Variants in C10orf90 observed in about 807,000 individuals in gnomAD.
C10orf90 encodes the protein (E2-independent) E3 ubiquitin-conjugating enzyme FATS.
C10orf90 carries 56 observed loss-of-function variants against 62.5 expected under a neutral mutation model. That is an observed-to-expected ratio of 0.90 (90% confidence interval 0.72 to 1.12). The LOEUF (loss-of-function observed/expected upper bound fraction) is 1.12. C10orf90 is among the 50% of genes most tolerant of loss of function. C10orf90 has a pLI of 0.00. For synonymous variants in C10orf90, 386 were observed against 340.4 expected (o/e 1.13, Z -1.47); for missense variants, 970 against 880.4 (o/e 1.10, Z -1.29).
intron 2 of C10orf90, among the ~76,000 whole-genome samples, chr10:126,515,831 G>A (rs1407425977): frequency 6.6e-6 from 1 of 152,218 alleles, no homozygotes; most frequent in Non-Finnish European, 1.5e-5. Context: ...GTCCTTGGGT[G>A]ACAGTGAGCG....
At chr10:126,568,169 G>C (rs769166290) in intron 2 of C10orf90, among the ~76,000 whole-genome samples, 1 of 152,130 alleles carries the variant, frequency 6.6e-6, no homozygotes, top group Non-Finnish European at 1.5e-5. Flanking sequence ...CCTCAGAATA[G>C]CACATGTTTA....
chr10:126,557,652 A>G (rs1266846793), intron 2 of C10orf90, among the ~76,000 whole-genome samples: 1 of 152,064 alleles, frequency 6.6e-6, no homozygotes, highest in Admixed American at 6.6e-5. Flanking sequence ...CAAAACGTTT[A>G]CAAATAATAC....
At chr10:126,450,148 A>G (rs1277253973) in intron 7 of C10orf90, among the ~76,000 whole-genome samples, 1 of 152,188 alleles carries the variant, frequency 6.6e-6, no homozygotes, top group Admixed American at 6.5e-5. Flanking sequence ...TGTACACTAA[A>G]AGCTATAGAA....
At chr10:126,568,558 C>T (rs1844440023) in intron 2 of C10orf90, among the ~76,000 whole-genome samples, 2 of 152,158 alleles carry the variant, frequency 1.3e-5, no homozygotes, top group South Asian at 2.1e-4. Context: ...TAATCTCTTT[C>T]GATTAACTCA....
intron 2 of C10orf90, among the ~76,000 whole-genome samples, chr10:126,606,857 A>T (rs900517094): frequency 1.3e-5 from 2 of 152,182 alleles, no homozygotes; most frequent in African/African-American, 4.8e-5. Flanking sequence ...CAGTCATTAG[A>T]TGTAACTGAT....
At chr10:126,462,933 C>G (rs1327854475) in intron 5 of C10orf90, among the ~76,000 whole-genome samples, 1 of 152,224 alleles carries the variant, frequency 6.6e-6, no homozygotes, top group Non-Finnish European at 1.5e-5. Context: ...CAGCACACCA[C>G]TTAGAAGGTT....
At chr10:126,435,505 G>A (rs1857854523) in intron 7 of C10orf90, among the ~76,000 whole-genome samples, 1 of 152,084 alleles carries the variant, frequency 6.6e-6, no homozygotes, top group Admixed American at 6.5e-5. Flanking sequence ...TGCACCCTTG[G>A]TGGGGAGGTG....
intron 4 of C10orf90, among the ~76,000 whole-genome samples, chr10:126,501,415 T>C (rs961870029): frequency 6.6e-6 from 1 of 151,754 alleles, no homozygotes. Flanking sequence ...GGTGAAGGTG[T>C]GCATTTGTAG....
intron 7 of C10orf90, among the ~76,000 whole-genome samples, chr10:126,437,257 G>A (rs1478198285): frequency 1.3e-5 from 2 of 152,196 alleles, no homozygotes; most frequent in Non-Finnish European, 2.9e-5. Context: ...GGTTCTCAAA[G>A]GAGGGATTGT....
At chr10:126,603,021 A>G (rs1845230593) in intron 2 of C10orf90, among the ~76,000 whole-genome samples, 1 of 151,556 alleles carries the variant, frequency 6.6e-6, no homozygotes, top group Non-Finnish European at 1.5e-5. Context: ...AGCAGAGAGA[A>G]GGAGGGAGGA....
intron 4 of C10orf90, among the ~76,000 whole-genome samples, chr10:126,494,501 G>C (rs962919405): frequency 1.3e-5 from 2 of 152,118 alleles, no homozygotes; most frequent in Non-Finnish European, 2.9e-5. Context: ...CTGGAAAAAA[G>C]AAAGAATTTA....
intron 6 of C10orf90, among the ~76,000 whole-genome samples, chr10:126,460,003 C>A (rs148921258): frequency 6.6e-6 from 1 of 152,202 alleles, no homozygotes; most frequent in African/African-American, 2.4e-5. Flanking sequence ...AAAACTGAGG[C>A]TCATGGTAGT....
At chr10:126,525,286 C>T (rs1471657053) in intron 2 of C10orf90, among the ~76,000 whole-genome samples, 3 of 152,204 alleles carry the variant, frequency 2.0e-5, no homozygotes, top group East Asian at 1.9e-4. Context: ...CCACACACGT[C>T]GGTGAGACCA....
At chr10:126,434,218 G>T (rs78491908) in intron 7 of C10orf90, among the ~76,000 whole-genome samples, 219 of 152,242 alleles carry the variant, frequency 1.4e-3, no homozygotes, top group African/African-American at 5.0e-3. Context: ...ATAAACACAT[G>T]TGGGTGTTTA....
intron 4 of C10orf90, among the ~76,000 whole-genome samples, chr10:126,471,451 C>G (rs1234109836): frequency 6.6e-6 from 1 of 152,216 alleles, no homozygotes; most frequent in Non-Finnish European, 1.5e-5. Flanking sequence ...AGAAATCAGA[C>G]TGACTTGTAA....
chr10:126,645,713 G>T (rs1846157157), intron 2 of C10orf90, among the ~76,000 whole-genome samples: 1 of 152,124 alleles, frequency 6.6e-6, no homozygotes, highest in Admixed American at 6.5e-5. Flanking sequence ...TTTTGGAAAG[G>T]AATTCAGGTC....
At chr10:126,612,407 A>G (rs746686152) in intron 2 of C10orf90, among the ~76,000 whole-genome samples, 2 of 152,086 alleles carry the variant, frequency 1.3e-5, no homozygotes, top group African/African-American at 2.4e-5. Context: ...CATTTCCATC[A>G]TTGTAGAAAG....
In C10orf90 at chr10:126,623,357, G is replaced by A. The variant is rs149874650; in HGVS notation, c.313+23208C>T. 3.6e-4 allele frequency among the ~76,000 whole-genome samples: 54 copies of A among 152,070 alleles called. 1 individual carries two copies. Among genetic ancestry groups the A allele is most frequent in the South Asian group, 2.3e-3 (11 of 4,816 alleles). On this transcript the variant is annotated intron_variant, in intron 2 of 9. Coordinates refer to ENST00000488181, the MANE Select transcript of C10orf90 (RefSeq NM_001350921.2). ...CAGAGTTTTGTCTTCTCCAAATTTC[G>A]GCATATCTCACTTCCTCCCATTCCT...
rs186188714 is a variant in C10orf90 at position 126,538,945 on chromosome 10, C to A, written c.314-25006G>T. 3.3e-5 allele frequency among the ~76,000 whole-genome samples: 5 copies of A among 152,336 alleles called. No homozygotes were observed. The East Asian group carries it at 9.6e-4, about 29-fold the overall frequency. The stretch of plus-strand genomic sequence containing the variant: ...ATTTAATATGTTGAAGTGAGGCATG[C>A]CAGCTGAGCTGGAGCCAGGAACTGG... On this transcript the variant is annotated intron_variant, in intron 2 of 9. Coordinates refer to ENST00000488181, the MANE Select transcript of C10orf90 (RefSeq NM_001350921.2).
Sources: allele counts gnomAD v4.1 joint callset (sites outside exome capture counted in the v4.1 genomes callset), GRCh38; gene constraint gnomAD v4.1.1; transcripts MANE v1.5; gene names NCBI Gene and HGNC (gene_info 2026-07-23, HGNC 2026-07-21).